The following ANKFN1 variants were observed in gnomAD, a reference collection of about 807,000 sequenced individuals.
ANKFN1 encodes ankyrin repeat and fibronectin type-III domain-containing protein 1.
A neutral mutation model predicts 108.7 loss-of-function variants in ANKFN1; 74 were observed. That is an observed-to-expected ratio of 0.68 (90% CI 0.56 to 0.83). ANKFN1 has a LOEUF of 0.83. Among genes scored for constraint, ANKFN1 ranks in the 40% least tolerant of loss-of-function variants. The pLI is 0.00. For missense variants in ANKFN1, 1,505 were observed against 1,382.3 expected (o/e 1.09, Z -1.41); for synonymous variants, 547 against 516.2 (o/e 1.06, Z -0.81).
rs867278822 is a variant in ANKFN1, at chr17:56,419,329, A to G, written c.911-20998A>G. On this transcript the variant is annotated intron_variant, in intron 8 of 20. Coordinates refer to ENST00000682825, the MANE Select transcript of ANKFN1 (RefSeq NM_001370326.1). ...AAACCCCATCTCTACTAAAATTACA[A>G]AAAATTAGCCAGGTGTGGTGGCAAG... is the stretch of plus-strand genomic sequence containing the variant. Among the ~76,000 whole-genome samples the G allele has an allele frequency of 1.3e-5, 2 of 152,032 alleles. 1 individual carries two copies. Among genetic ancestry groups the G allele is most frequent in the Non-Finnish European group, 2.9e-5 (2 of 68,012 alleles).
At chr17:56,449,231 G>T in intron 11 of ANKFN1, 45 bp downstream of exon 11, 2 of 1,502,960 alleles carry the variant, frequency 1.3e-6, no homozygotes. Context: ...AGGTCTCGGT[G>T]GCGCCGGTAA....
intron 8 of ANKFN1, among the ~76,000 whole-genome samples, chr17:56,398,793 A>G (rs2047665051): frequency 6.6e-6 from 1 of 152,166 alleles, no homozygotes; most frequent in South Asian, 2.1e-4. Context: ...TCTGATAAGG[A>G]GAGTATTACT....
Position 56,094,313 on chromosome 17 carries a change from A to G in ANKFN1, c.288+47988A>G, listed in dbSNP as rs551881239. Among the ~76,000 whole-genome samples the G allele has an allele frequency of 9.5e-4, 143 of 151,120 alleles. 10 individuals are homozygous for G. In the South Asian group the frequency reaches 0.029, roughly 31 times the overall value. ...CAAGCCAAATTTTCTCATAAGCCCT[A>G]TGGATATTATTTCATGGTTTTGCAG... On this transcript the variant is annotated intron_variant, in intron 4 of 12. Coordinates refer to the ANKFN1 transcript ENST00000635860.
chr17:56,377,893 G>A (rs2046986569), intron 8 of ANKFN1, among the ~76,000 whole-genome samples: 7 of 151,974 alleles, frequency 4.6e-5, no homozygotes, highest in Admixed American at 4.6e-4. Flanking sequence ...ACACCTTGGG[G>A]TTTGCTAATT....
intron 2 of ANKFN1, among the ~76,000 whole-genome samples, chr17:56,227,638 G>A (rs1260769589): frequency 6.6e-6 from 1 of 152,100 alleles, no homozygotes; most frequent in African/African-American, 2.4e-5. Context: ...GGACCTGGGA[G>A]ACAAAGTGAG....
intron 18 of ANKFN1, among the ~76,000 whole-genome samples, chr17:56,483,332 T>A (rs1484768550): frequency 6.6e-6 from 1 of 152,088 alleles, no homozygotes; most frequent in Non-Finnish European, 1.5e-5. Context: ...ATTGTACAAT[T>A]TGCAGGAGGG....
rs1256527835 is a variant in ANKFN1 at position 56,510,826 on chromosome 17, C to T, written c.2998C>T (p.Arg1000Trp). ...GRPPLGFLGK[R>W]KPGKHPHYGG... ...GCCCCCGCTAGGCTTCCTGGGAAAG[C>T]GGAAGCCAGGCAAGCACCCCCACTA... Residue 1000 changes from arginine to tryptophan, a missense_variant, in exon 21 of 21, where the codon CGG becomes TGG. Coordinates refer to ENST00000682825, the MANE Select transcript of ANKFN1 (RefSeq NM_001370326.1). 5.9e-6 allele frequency: 9 copies of T among 1,536,184 alleles called. No individual in the cohort carries two copies. Among genetic ancestry groups the T allele is most frequent in the East Asian group, 2.4e-5 (1 of 40,908 alleles).
At chr17:56,318,397 C>T (rs1022863255) in intron 3 of ANKFN1, among the ~76,000 whole-genome samples, 3 of 152,136 alleles carry the variant, frequency 2.0e-5, no homozygotes, top group African/African-American at 7.2e-5. Flanking sequence ...AAAATGCATT[C>T]CTCTGAGTTC....
chr17:56,386,325 G>A (rs1214796275), intron 8 of ANKFN1, among the ~76,000 whole-genome samples: 2 of 151,800 alleles, frequency 1.3e-5, no homozygotes, highest in African/African-American at 4.8e-5. Context: ...CTGTTGTGGG[G>A]TGGGGGGAGC....
At chr17:56,265,027 C>T (rs2043613226) in intron 3 of ANKFN1, among the ~76,000 whole-genome samples, 1 of 152,136 alleles carries the variant, frequency 6.6e-6, no homozygotes, top group African/African-American at 2.4e-5. Flanking sequence ...TCCCTCTTGA[C>T]TCTCTCTGCT....
intron 1 of ANKFN1, among the ~76,000 whole-genome samples, chr17:56,172,660 A>G (rs926230884): frequency 6.6e-6 from 1 of 152,174 alleles, no homozygotes; most frequent in Non-Finnish European, 1.5e-5. Flanking sequence ...GGAGCTGCCA[A>G]GTAATTGGAG....
intron 15 of ANKFN1, among the ~76,000 whole-genome samples, chr17:56,475,060 C>T (rs937690775): frequency 1.3e-5 from 2 of 152,162 alleles, no homozygotes; most frequent in Middle Eastern, 3.2e-3. Flanking sequence ...CTGTTTAAGG[C>T]ATCTGTCCTA....
intron 3 of ANKFN1, among the ~76,000 whole-genome samples, chr17:56,287,301 T>C (rs148070295): frequency 2.0e-5 from 3 of 152,292 alleles, no homozygotes; most frequent in East Asian, 1.9e-4. Context: ...AGACTTTGGA[T>C]TGGACAAGCC....
intron 8 of ANKFN1, among the ~76,000 whole-genome samples, chr17:56,401,458 G>A (rs1190312114): frequency 6.6e-6 from 1 of 151,820 alleles, no homozygotes; most frequent in African/African-American, 2.4e-5. Context: ...TGTAAAAGGG[G>A]TTGAGTTCTT....
intron 4 of ANKFN1, among the ~76,000 whole-genome samples, chr17:56,105,015 T>C (rs1905717781): frequency 6.6e-6 from 1 of 152,144 alleles, no homozygotes; most frequent in South Asian, 2.1e-4. Context: ...AATATGGAAA[T>C]TGGTCATTTT....
intron 3 of ANKFN1, among the ~76,000 whole-genome samples, chr17:56,280,462 C>G (rs1445389059): frequency 6.6e-6 from 1 of 152,124 alleles, no homozygotes; most frequent in African/African-American, 2.4e-5. Flanking sequence ...TGACCCTGCT[C>G]TTTCCTCCAG....
intron 3 of ANKFN1, among the ~76,000 whole-genome samples, chr17:56,321,413 C>T (rs1009590226): frequency 3.4e-5 from 5 of 148,442 alleles, no homozygotes; most frequent in African/African-American, 1.2e-4. Context: ...GGGAATGCCA[C>T]TTTCTTATAA....
At chr17:56,103,887 A>T (rs1905694110) in intron 4 of ANKFN1, among the ~76,000 whole-genome samples, 1 of 152,182 alleles carries the variant, frequency 6.6e-6, no homozygotes, top group African/African-American at 2.4e-5. Flanking sequence ...CTCTTCAGGG[A>T]TCTGTGGGAC....
chr17:56,483,850 G>A (rs1312029179), intron 18 of ANKFN1, among the ~76,000 whole-genome samples: 1 of 152,194 alleles, frequency 6.6e-6, no homozygotes, highest in Non-Finnish European at 1.5e-5. Context: ...TGGAGATTTA[G>A]AGGTGAGTAA....
Sources: allele counts gnomAD v4.1 joint callset (sites outside exome capture counted in the v4.1 genomes callset), GRCh38; gene constraint gnomAD v4.1.1; transcripts MANE v1.5; gene names NCBI Gene and HGNC (gene_info 2026-07-23, HGNC 2026-07-21).